PLXNB1: variants seen among roughly 807,000 people sequenced by gnomAD.
PLXNB1 encodes the protein plexin-B1.
Under a neutral mutation model 209.4 loss-of-function variants are expected in PLXNB1, and 106 were observed. The observed-to-expected ratio is 0.51, with a 90% CI of 0.43 to 0.59. PLXNB1 has a LOEUF of 0.59. Among genes scored for constraint, PLXNB1 ranks in the 20% least tolerant of loss-of-function variants. The pLI, the probability that PLXNB1 is intolerant of heterozygous loss-of-function variation, is 0.00. For synonymous variants in PLXNB1, 1,167 were observed against 1,183.2 expected, an observed-to-expected ratio of 0.99 and a Z score of 0.28; for missense variants, 2,357 against 2,853.2, an observed-to-expected ratio of 0.83 and a Z score of 3.96.
Position 48,418,585 on chromosome 3 carries a change from G to T in PLXNB1, c.2956-43C>A, listed in dbSNP as rs781301138. Reference sequence around the variant, plus strand: ...GGTTCAGAGTCAAGCACTGGGGGAAGTGTCAGGCCTGGGGAGGGGTTAGTC... The same window carrying T: ...GGTTCAGAGTCAAGCACTGGGGGAATTGTCAGGCCTGGGGAGGGGTTAGTC... On this transcript the variant is annotated intron_variant, in intron 13 of 37. Transcript: ENST00000296440. This position sits in a 1 kb window ranked among gnomAD's most constrained non-coding sequence, Gnocchi z 6.6. 2 of 1,501,006 alleles carry T rather than the reference G, an allele frequency of 1.3e-6. No individual in the cohort carries two copies. The highest frequency in any genetic ancestry group is 1.8e-6 in the Non-Finnish European group (2 of 1,098,356). The allele number at this position is 1,501,006 out of a possible 1,614,324, so 93.0% of individuals were successfully genotyped here.
rs1478553466 is a variant in PLXNB1 at position 48,411,373 on chromosome 3, C to T, written c.5248-337G>A. Among the ~76,000 whole-genome samples, 3 of 152,208 alleles carry T rather than the reference C, an allele frequency of 2.0e-5. No homozygotes were observed. Among genetic ancestry groups the T allele is most frequent in the Non-Finnish European group, 4.4e-5 (3 of 68,038 alleles). Reference sequence around the variant, plus strand: ...TTCGGGAAGCCTGCATTCCCACCATCGGGAGCAAATATTCCCACCTATCCG... The same window carrying T: ...TTCGGGAAGCCTGCATTCCCACCATTGGGAGCAAATATTCCCACCTATCCG... On this transcript the variant is annotated intron_variant, in intron 28 of 37. Transcript: ENST00000296440. This position sits in a 1 kb window ranked among gnomAD's most constrained non-coding sequence, Gnocchi z 4.0.
At chr3:48,412,371 A>T in intron 26 of PLXNB1, 67 bp from the exon 27 acceptor site, 1 of 1,608,838 alleles carries the variant, frequency 6.2e-7, no homozygotes, top group Non-Finnish European at 8.5e-7. Flanking sequence ...TATCCTGCAG[A>T]CCCCCCAGCC....
In PLXNB1 at chr3:48,411,737, G is replaced by A. The variant is rs1339543999; in HGVS notation, c.5247+126C>T. 2 of 1,135,612 alleles carry A rather than the reference G, an allele frequency of 1.8e-6. No individual in the cohort carries two copies. Among genetic ancestry groups the A allele is most frequent in the East Asian group, 5.0e-5 (2 of 40,254 alleles). The allele number at this position is 1,135,612 out of a possible 1,614,324, so 70.3% of individuals were successfully genotyped here. On this transcript the variant is annotated intron_variant, in intron 28 of 37. Coordinates refer to ENST00000296440, the MANE Select transcript of PLXNB1 (RefSeq NM_001130082.3). The surrounding 1 kb of genome is among the most constrained non-coding windows in gnomAD (Gnocchi z 4.0). ...GGGCTCTCTCCAGGAGCCAGCCAGA[G>A]GTCAACCCAGCTCTACATCCAGGTA...
rs1022070259 is a variant in PLXNB1, at chr3:48,429,012, C to T, written c.-60+996G>A. 4.3e-4 allele frequency among the ~76,000 whole-genome samples: 65 copies of T among 152,332 alleles called. No individual in the cohort carries two copies. The highest frequency in any genetic ancestry group is 1.5e-3 in the African/African-American group (63 of 41,586). Reference sequence around the variant, plus strand: ...AGGGCGGGGAAGGGGCCGGCCGGTCCCCGGCGGCGACGGCGAGGAGGGGGC... The same window carrying T: ...AGGGCGGGGAAGGGGCCGGCCGGTCTCCGGCGGCGACGGCGAGGAGGGGGC... On this transcript the variant is annotated intron_variant, in intron 1 of 37. Coordinates refer to ENST00000296440, the MANE Select transcript of PLXNB1 (RefSeq NM_001130082.3). This position sits in a 1 kb window ranked among gnomAD's most constrained non-coding sequence, Gnocchi z 6.4.
At position 48,422,311 on chromosome 3, in the gene PLXNB1, G is replaced by A. The variant is rs1465540439; in HGVS notation, c.1419+20C>T. 1 of 1,610,794 alleles carries A rather than the reference G, an allele frequency of 6.2e-7. No homozygotes were observed. The highest frequency in any genetic ancestry group is 1.1e-5 in the South Asian group (1 of 90,516). On this transcript the variant is annotated intron_variant, in intron 5 of 37. Coordinates refer to ENST00000296440, the MANE Select transcript of PLXNB1 (RefSeq NM_001130082.3). ...AGGCCCCTCCCAGCAGCCATGCCCT[G>A]GCTTGTGCCTGGCACTCACTGTGCT... is the stretch of plus-strand genomic sequence containing the variant.
In PLXNB1 at chr3:48,415,048, G is replaced by A; in HGVS notation, c.3967-7C>T. 3 of 1,612,030 alleles carry A rather than the reference G, an allele frequency of 1.9e-6. No homozygotes were observed. Among genetic ancestry groups the A allele is most frequent in the African/African-American group, 2.7e-5 (2 of 75,044 alleles). The stretch of plus-strand genomic sequence containing the variant: ...CATGGCACGGCTCCTCAAACTGGAA[G>A]GAAGACAGGCAGGTTGACGAGGGGC... On this transcript the variant is annotated splice_region_variant and splice_polypyrimidine_tract_variant and intron_variant, in intron 20 of 37. Transcript: ENST00000296440. This position sits in a 1 kb window ranked among gnomAD's most constrained non-coding sequence, Gnocchi z 5.0.
intron 37 of PLXNB1, among the ~76,000 whole-genome samples, chr3:48,404,819 T>TG (rs1200670195): frequency 2.0e-5 from 3 of 152,090 alleles, no homozygotes; most frequent in Non-Finnish European, 4.4e-5. Flanking sequence ...ATGAAGGACC[T>TG]GACTCAGTAG....
At chr3:48,412,671 C>A in intron 25 of PLXNB1, 51 bp from the exon 26 acceptor site, 2 of 1,604,084 alleles carry the variant, frequency 1.2e-6, no homozygotes, top group East Asian at 2.2e-5. Flanking sequence ...GACAGAGGGG[C>A]GGGCTCAGAA....
chr3:48,404,408 A>C lies in PLXNB1; in HGVS notation c.*78T>G, dbSNP rs889663632. ...GCTTGTCAGTCACTACAGGCACCTA[A>C]GAAGGTGGCCTCTCCTCCGAGCTTC... On this transcript the variant is annotated 3_prime_UTR_variant, in exon 38 of 38. Transcript: ENST00000296440. The C allele has an allele frequency of 1.6e-5, 14 of 851,092 alleles. No individual in the cohort carries two copies. In the African/African-American group the frequency reaches 2.4e-4, roughly 14 times the overall value. 52.7% of individuals were successfully genotyped at this position (851,092 alleles called of 1,614,324 possible).
In PLXNB1 at chr3:48,413,344, C is replaced by T; in HGVS notation, c.4536-175G>A. ...CCTGTCCCGTCCCAAGCAAGTCACA[C>T]ACACCCATGCCCCGTCTAGCCCAGC... On this transcript the variant is annotated intron_variant, in intron 23 of 37. Transcript: ENST00000296440. This position sits in a 1 kb window ranked among gnomAD's most constrained non-coding sequence, Gnocchi z 5.4. 1 of 632,488 alleles carries T rather than the reference C, an allele frequency of 1.6e-6. No homozygotes were observed. Among genetic ancestry groups the T allele is most frequent in the Non-Finnish European group, 2.8e-6 (1 of 358,384 alleles). The allele number at this position is 632,488 out of a possible 1,614,324, so 39.2% of individuals were successfully genotyped here. A position where few individuals can be genotyped will look rare whatever the true frequency, so the allele number is the denominator to read the frequency against.
At chr3:48,414,171 A>G (rs2037908442) in intron 21 of PLXNB1, 100 bp from the exon 22 acceptor site, 1 of 1,152,256 alleles carries the variant, frequency 8.7e-7, no homozygotes, top group Non-Finnish European at 1.3e-6. Flanking sequence ...GCAGCAGCAA[A>G]GCTGACAGCC....
At chr3:48,421,462 T>A in intron 7 of PLXNB1, 78 bp from the exon 8 acceptor site, 1 of 1,448,904 alleles carries the variant, frequency 6.9e-7, no homozygotes, top group South Asian at 1.4e-5. Flanking sequence ...ACACCCAATG[T>A]GGGCAGGCAC....
chr3:48,409,326 C>G lies in PLXNB1; in HGVS notation c.6087+3G>C. ...CCCCCGTGTCCATCCCAGACTCGCTCACCCGGCCCAGCTTGTGGTCGGCCA... is the reference window on the plus strand; with the variant it reads ...CCCCCGTGTCCATCCCAGACTCGCTGACCCGGCCCAGCTTGTGGTCGGCCA... On this transcript the variant is annotated splice_donor_region_variant and intron_variant, in intron 34 of 37. Transcript: ENST00000296440. The surrounding 1 kb of genome is among the most constrained non-coding windows in gnomAD (Gnocchi z 5.8). The G allele has an allele frequency of 6.2e-7, 1 of 1,614,086 alleles. No individual in the cohort carries two copies. The highest frequency in any genetic ancestry group is 1.7e-5 in the Admixed American group (1 of 60,026).
rs541977320 is a variant in PLXNB1 at position 48,419,727 on chromosome 3, G to T, written c.2559C>A (p.Asp853Glu). Reference sequence around the variant, plus strand: ...CGGGTGCGTCACCCCCCGTCCACTCGTCCGCCTCGGGCAGCTCGCCGCCTT... The same window carrying T: ...CGGGTGCGTCACCCCCCGTCCACTCTTCCGCCTCGGGCAGCTCGCCGCCTT... ...TREGGELPEA[D>E]EWTGGDAPAF... The change falls in exon 11 of 38, where the codon GAC becomes GAA. Residue 853 changes from aspartate (D) to glutamate (E), a missense_variant. Physicochemically the swap from Asp to Glu is conservative, Grantham distance 45. Transcript: ENST00000296440. The surrounding 1 kb of genome is among the most constrained non-coding windows in gnomAD (Gnocchi z 5.7). 6 of 1,611,054 alleles carry T rather than the reference G, an allele frequency of 3.7e-6. No individual in the cohort carries two copies. The highest frequency in any genetic ancestry group is 5.1e-6 in the Non-Finnish European group (6 of 1,179,498).
chr3:48,419,285 G>A lies in PLXNB1; in HGVS notation c.2791C>T (p.Arg931Trp), dbSNP rs200604038. The change falls in exon 12 of 38, where the codon CGG (arginine) becomes TGG (tryptophan). Residue 931 changes from arginine to tryptophan, a missense_variant. Transcript: ENST00000296440. The surrounding 1 kb of genome is among the most constrained non-coding windows in gnomAD (Gnocchi z 5.7). The part of the protein sequence containing the change: ...GSTLMPVHVE[R>W]EIRLLGRNLH... Reference sequence around the variant, plus strand: ...TTCCTGCCTAGCAGCCGGATTTCCCGCTCCACATGGACCGGCATCAACGTG... The same window carrying A: ...TTCCTGCCTAGCAGCCGGATTTCCCACTCCACATGGACCGGCATCAACGTG... 1.1e-5 allele frequency: 17 copies of A among 1,596,300 alleles called. No homozygotes were observed. The highest frequency in any genetic ancestry group is 2.2e-5 in the South Asian group (2 of 89,786).
Position 48,418,250 on chromosome 3 carries a change from C to T in PLXNB1, c.3163G>A (p.Glu1055Lys). 6.2e-7 allele frequency: 1 copy of T among 1,613,394 alleles called. No individual in the cohort carries two copies. The highest frequency in any genetic ancestry group is 8.5e-7 in the Non-Finnish European group (1 of 1,179,944). The change falls in exon 15 of 38, where the codon GAG becomes AAG. Residue 1055 changes from glutamate (E) to lysine (K), a missense_variant. Transcript: ENST00000296440. This position sits in a 1 kb window ranked among gnomAD's most constrained non-coding sequence, Gnocchi z 6.6. ...ACAGCCTCAGCCTCACCACAGGCCT[C>T]CCGGGTCACACAACGTGGACGCTCC... ...EGERPRCVTR[E>K]ACGEAEAVAT...
In PLXNB1 at chr3:48,411,905, G is replaced by A. The variant is rs374250962; in HGVS notation, c.5205C>T (p.Asn1735=). ...SVTGKAKYTL[N]DNRLLREDVE... ...CATCCTCTCTGAGCAGGCGGTTGTC[G>A]TTCAAGGTGTATTTGGCCTTGCCTG... The change falls in exon 28 of 38, where the codon AAC becomes AAT. Residue 1735 remains asparagine, a synonymous_variant. Transcript: ENST00000296440. The surrounding 1 kb of genome is among the most constrained non-coding windows in gnomAD (Gnocchi z 4.0). 51 of 1,614,040 alleles carry A rather than the reference G, an allele frequency of 3.2e-5. No individual in the cohort carries two copies. Among genetic ancestry groups the A allele is most frequent in the Middle Eastern group, 1.6e-4 (1 of 6,082 alleles).
At position 48,414,859 on chromosome 3, in the gene PLXNB1, G is replaced by C; in HGVS notation, c.4149C>G (p.Leu1383=). The C allele has an allele frequency of 6.2e-7, 1 of 1,614,126 alleles. No homozygotes were observed. Among genetic ancestry groups the C allele is most frequent in the Non-Finnish European group, 8.5e-7 (1 of 1,180,032 alleles). ...ATGGCATGGTGGGGTCCTCAGGGTTGAGTGGCTGCAGGGTGGGGTCGGCCT... is the reference window on the plus strand; with the variant it reads ...ATGGCATGGTGGGGTCCTCAGGGTTCAGTGGCTGCAGGGTGGGGTCGGCCT... ...SYEADPTLQP[L]NPEDPTMPFR... is the part of the protein sequence containing the mutation. The change falls in exon 21 of 38, where the codon CTC becomes CTG. Residue 1383 remains leucine, a synonymous_variant. Coordinates refer to ENST00000296440, the MANE Select transcript of PLXNB1 (RefSeq NM_001130082.3).
Position 48,412,321 on chromosome 3 carries a change from G to A in PLXNB1, c.5034-17C>T, listed in dbSNP as rs749944244. The A allele has an allele frequency of 1.2e-6, 2 of 1,613,958 alleles. No individual in the cohort carries two copies. Among genetic ancestry groups the A allele is most frequent in the Admixed American group, 1.7e-5 (1 of 60,032 alleles). The stretch of plus-strand genomic sequence containing the variant: ...GTCTCTGTCCTGAGATGATGGGAAA[G>A]GGGAGTGCCAGGGTCAGCAGGTGGG... On this transcript the variant is annotated splice_polypyrimidine_tract_variant and intron_variant, in intron 26 of 37. Transcript: ENST00000296440.
Sources: allele counts gnomAD v4.1 joint callset (sites outside exome capture counted in the v4.1 genomes callset), GRCh38; gene constraint gnomAD v4.1.1; non-coding constraint Gnocchi (gnomAD v3.1); transcripts MANE v1.5; gene names NCBI Gene and HGNC (gene_info 2026-07-23, HGNC 2026-07-21).